RHOC: variants seen among roughly 807,000 people sequenced by gnomAD.
RHOC encodes ras homolog family member C.
In RHOC, 13 loss-of-function variants were observed where a neutral mutation model predicts 19.5. The ratio of observed to expected loss-of-function variants is 0.67; its 90% CI spans 0.43 to 1.06. The LOEUF (loss-of-function observed/expected upper bound fraction) is 1.06. Among genes scored for constraint, RHOC ranks in the 50% least tolerant of loss-of-function variants. RHOC has a pLI of 0.00. For missense variants in RHOC, 173 were observed against 256.9 expected, an observed-to-expected ratio of 0.67 and a Z score of 2.23; for synonymous variants, 106 against 97.3, an observed-to-expected ratio of 1.09 and a Z score of -0.52.
At chr1:112,707,187 G>A (rs1482075028), upstream of RHOC, 2 of 150,470 alleles carry the variant, frequency 1.3e-5, no homozygotes, top group Non-Finnish European at 3.0e-5. Flanking sequence ...GGGCCCGGCA[G>A]GGGGAGGGTC....
At chr1:112,706,472 A>ACACACACACACCCCCACAC (rs1557780670) in intron 1 of RHOC, among the ~76,000 whole-genome samples, 2 of 3,078 alleles carry the variant, frequency 6.5e-4, no homozygotes, top group South Asian at 0.014. Context: ...CACCACACAC[A>ACACACACACACCCCCACAC]CACACACACA....
intron 3 of RHOC, 129 bp from the exon 4 acceptor site, chr1:112,703,248 ATATTAATCAC>A: frequency 1.0e-6 from 1 of 995,288 alleles, no homozygotes; most frequent in Non-Finnish European, 1.5e-6. Context: ...ACCAGGCATT[ATATTAATCAC>A]TGTCCCACAA....
chr1:112,705,307 A>G (rs867483996), intron 1 of RHOC, 139 bp from the exon 2 acceptor site: 4 of 644,924 alleles, frequency 6.2e-6, no homozygotes, highest in Middle Eastern at 3.2e-4. Context: ...CCTCAAACCT[A>G]GCTTTTTCTC....
chr1:112,702,745 C>T (rs1411548970), intron 4 of RHOC, 52 bp from the exon 5 acceptor site: 1 of 1,609,774 alleles, frequency 6.2e-7, no homozygotes, highest in African/African-American at 1.3e-5. Flanking sequence ...AGCTAGAAAG[C>T]TCCCCTGGGG....
At chr1:112,706,463 AC>A (rs370899656) in intron 1 of RHOC, among the ~76,000 whole-genome samples, 2,180 of 7,618 alleles carry the variant, frequency 0.29, 151 homozygotes, top group African/African-American at 0.36. Flanking sequence ...ACACACACAC[AC>A]CACACACACA....
intron 3 of RHOC, 122 bp from the exon 4 acceptor site, chr1:112,703,241 A>G (rs1214951189): frequency 9.5e-7 from 1 of 1,056,954 alleles, no homozygotes; most frequent in Non-Finnish European, 1.4e-6. Context: ...GCTATGCACC[A>G]GGCATTATAT....
intron 2 of RHOC, chr1:112,704,735 C>G: frequency 4.2e-6 from 1 of 239,292 alleles, no homozygotes; most frequent in Non-Finnish European, 8.4e-6. Flanking sequence ...GCAATGCCCA[C>G]AGCTCGAGTT....
At position 112,703,824 on chromosome 1, in the gene RHOC, T is replaced by C. The variant is rs202097009; in HGVS notation, c.-7-18A>G. ...TGGTGGGGCTGCCAGGAAAGACGTATTGGGGATTTGAGGAAAAGCCATTAA... is the reference window on the plus strand; with the variant it reads ...TGGTGGGGCTGCCAGGAAAGACGTACTGGGGATTTGAGGAAAAGCCATTAA... On this transcript the variant is annotated intron_variant, in intron 2 of 5. Transcript: ENST00000339083. 3.7e-5 allele frequency: 60 copies of C among 1,600,204 alleles called. No homozygotes were observed. The highest frequency in any genetic ancestry group is 3.6e-4 in the East Asian group (16 of 44,578).
intron 1 of RHOC, among the ~76,000 whole-genome samples, chr1:112,706,478 A>AC (rs1336355723): frequency 0.092 from 470 of 5,132 alleles, 44 homozygotes; most frequent in Non-Finnish European, 0.17. Flanking sequence ...ACACACACAC[A>AC]CACACACACA....
At chr1:112,705,011 A>AC (rs1185026267) in intron 2 of RHOC, 89 bp downstream of exon 2, 2 of 668,248 alleles carry the variant, frequency 3.0e-6, no homozygotes, top group Non-Finnish European at 5.5e-6. Context: ...TGTGTCCCCC[A>AC]CCCCCAGCAC....
chr1:112,705,453 C>T, intron 1 of RHOC: 1 of 583,050 alleles, frequency 1.7e-6, no homozygotes, highest in South Asian at 1.7e-5. Context: ...CCTGAGTGGC[C>T]CTTCCCTTGC....
chr1:112,706,482 A>ACCCC lies in RHOC; in HGVS notation c.-77+595_-77+596insGGGG, dbSNP rs776494527. Among the ~76,000 whole-genome samples the ACCCC allele has an allele frequency of 4.2e-4, 8 of 19,034 alleles. 2 individuals are homozygous for ACCCC. The highest frequency in any genetic ancestry group is 7.7e-4 in the African/African-American group (3 of 3,898). 12.5% of individuals were successfully genotyped at this position (19,034 alleles called of 152,430 possible). A position where few individuals can be genotyped will look rare whatever the true frequency, so the allele number is the denominator to read the frequency against. On this transcript the variant is annotated intron_variant, in intron 1 of 5. Transcript: ENST00000339083. ...ACACACACCACACACACACACACAC[A>ACCCC]CACACACACACACACACACACACAC...
intron 2 of RHOC, 131 bp downstream of exon 2, chr1:112,704,969 T>A: frequency 3.1e-6 from 2 of 640,664 alleles, no homozygotes; most frequent in Non-Finnish European, 2.9e-6. Context: ...TCCCTGTGAC[T>A]CAGGGCAAGG....
chr1:112,706,009 A>T, intron 1 of RHOC: 1 of 239,958 alleles, frequency 4.2e-6, no homozygotes, highest in Non-Finnish European at 8.6e-6. Flanking sequence ...CCAGGCCAGG[A>T]CACTAGGCCC....
In RHOC at chr1:112,702,229, C is replaced by T. The variant is rs180940839; in HGVS notation, c.408+334G>A. Among the ~76,000 whole-genome samples the T allele has an allele frequency of 1.0e-3, 157 of 152,298 alleles. 1 individual carries two copies. The highest frequency in any genetic ancestry group is 3.4e-3 in the Middle Eastern group (1 of 292). Reference sequence around the variant, plus strand: ...CATTCCCGCATCCACATCCCTACACCTCCCCCAGGGGCACTCTGATGGCAC... The same window carrying T: ...CATTCCCGCATCCACATCCCTACACTTCCCCCAGGGGCACTCTGATGGCAC... On this transcript the variant is annotated intron_variant, in intron 5 of 5. Coordinates refer to ENST00000339083, the MANE Select transcript of RHOC (RefSeq NM_175744.5).
chr1:112,703,344 T>C lies in RHOC; in HGVS notation c.157-225A>G. 3 of 710,182 alleles carry C rather than the reference T, an allele frequency of 4.2e-6. No homozygotes were observed. The East Asian group carries it at 8.1e-5, about 19-fold the overall frequency. The allele number at this position is 710,182 out of a possible 1,614,324, so 44.0% of individuals were successfully genotyped here. On this transcript the variant is annotated intron_variant, in intron 3 of 5. Coordinates refer to ENST00000339083, the MANE Select transcript of RHOC (RefSeq NM_175744.5). ...AGTTGCCACTGTGAGCACCATTATT[T>C]TGGTTAATTCTCACAACAACCCTTT...
At chr1:112,702,921 T>G in intron 4 of RHOC, 78 bp downstream of exon 4, 2 of 1,261,000 alleles carry the variant, frequency 1.6e-6, no homozygotes, top group Non-Finnish European at 2.3e-6. Flanking sequence ...CCTCTGAAGA[T>G]GACTGAAGAC....
chr1:112,701,268 A>G lies in RHOC; in HGVS notation c.*272T>C. ...TTTCCTGTGAGCCAGAAGTGTATAA[A>G]GTGCTGGTGTGTGACCATCCTTTGG... On this transcript the variant is annotated 3_prime_UTR_variant, in exon 6 of 6. Transcript: ENST00000339083. 1 of 812,528 alleles carries G rather than the reference A, an allele frequency of 1.2e-6. No homozygotes were observed. The highest frequency in any genetic ancestry group is 1.9e-6 in the Non-Finnish European group (1 of 525,390). The allele number at this position is 812,528 out of a possible 1,614,324, so 50.3% of individuals were successfully genotyped here. A position where few individuals can be genotyped will look rare whatever the true frequency, so the allele number is the denominator to read the frequency against.
At chr1:112,701,877 C>CA (rs1674653514) in intron 5 of RHOC, among the ~76,000 whole-genome samples, 164 bp from the exon 6 acceptor site, 1 of 151,956 alleles carries the variant, frequency 6.6e-6, no homozygotes, top group Non-Finnish European at 1.5e-5. Flanking sequence ...GCCAGGGATC[C>CA]AAAAATCCCT....
Sources: gnomAD v4.1 joint callset for allele counts (sites outside exome capture counted in the v4.1 genomes callset) on GRCh38, gnomAD v4.1.1 for gene constraint, MANE v1.5 for transcripts, NCBI Gene and HGNC (gene_info 2026-07-23, HGNC 2026-07-21) for gene names.